Variants in TLN2 observed in about 807,000 individuals in gnomAD.
TLN2 encodes the protein talin 2, also known as talin-2.
A neutral mutation model predicts 294.7 loss-of-function variants in TLN2; 118 were observed. That is an observed-to-expected ratio of 0.40 (90% CI 0.34 to 0.47). The LOEUF is 0.47. Among genes scored for constraint, TLN2 ranks in the 20% least tolerant of loss-of-function variants. The pLI is 0.84. For missense variants in TLN2, 3,083 were observed against 3,282.2 expected (o/e 0.94, Z 1.48); for synonymous variants, 1,431 against 1,304.5 (o/e 1.10, Z -2.09).
At chr15:62,477,916 C>T (rs113929225) in intron 1 of TLN2, among the ~76,000 whole-genome samples, 3 of 84,194 alleles carry the variant, frequency 3.6e-5, no homozygotes, top group East Asian at 6.0e-4. Flanking sequence ...GGGGGTGCAG[C>T]GGGGGCAGAG....
Position 62,753,901 on chromosome 15 carries a change from C to A in TLN2, c.4461C>A (p.Gly1487=), listed in dbSNP as rs756008660. 3 of 1,605,856 alleles carry A rather than the reference C, an allele frequency of 1.9e-6. No individual in the cohort carries two copies. In the African/African-American group the frequency reaches 4.0e-5, roughly 22 times the overall value. ...QMACQNLVDP[G]SSPSQVLSAA... ...CATGCCAGAACTTGGTGGACCCTGG[C>A]AGCAGCCCATCACAGGTAACTGTTG... The change falls in exon 36 of 59, where the codon GGC becomes GGA. Residue 1487 remains glycine, a synonymous_variant. Transcript: ENST00000636159.
At chr15:62,575,002 A>G (rs1057023524) in intron 1 of TLN2, among the ~76,000 whole-genome samples, 8 of 152,198 alleles carry the variant, frequency 5.3e-5, no homozygotes, top group Non-Finnish European at 2.9e-5. Context: ...TGCTTCTGAA[A>G]TCATCTGAAA....
chr15:62,675,383 C>T (rs934562690), intron 11 of TLN2, 62 bp downstream of exon 11: 26 of 1,553,398 alleles, frequency 1.7e-5, no homozygotes, highest in Non-Finnish European at 1.9e-5. Flanking sequence ...TTTGTTCAAG[C>T]GTTTGCTGTT....
intron 1 of TLN2, among the ~76,000 whole-genome samples, chr15:62,541,652 C>A (rs926696289): frequency 6.6e-6 from 1 of 152,034 alleles, no homozygotes; most frequent in African/African-American, 2.4e-5. Flanking sequence ...AGAGAATGAG[C>A]CATAGACGGC....
At chr15:62,391,892 G>T (rs2032117059) in intron 1 of TLN2, among the ~76,000 whole-genome samples, 1 of 152,260 alleles carries the variant, frequency 6.6e-6, no homozygotes, top group Non-Finnish European at 1.5e-5. Flanking sequence ...CCGGAGCCGT[G>T]CGCTGGGCGG....
chr15:62,800,701 G>A lies in TLN2; in HGVS notation c.6409G>A (p.Glu2137Lys), dbSNP rs35997243. The A allele has an allele frequency of 1.9e-6, 3 of 1,614,024 alleles. No individual in the cohort carries two copies. The highest frequency in any genetic ancestry group is 1.1e-5 in the South Asian group (1 of 91,070). Residue 2137 changes from glutamate to lysine, a missense_variant, in exon 50 of 59, where the codon GAG becomes AAG. Coordinates refer to ENST00000636159, the MANE Select transcript of TLN2 (RefSeq NM_015059.3). ...TSLLKTVKAVEDEATRGTRAL... is the reference protein window; with the variant it reads ...TSLLKTVKAVKDEATRGTRAL... ...GCTCCTCAAGACTGTAAAGGCAGTG[G>A]AGGATGAGGCCACCCGGGGCACCAG... is the stretch of plus-strand genomic sequence containing the variant.
At position 62,842,509 on chromosome 15, in the gene TLN2, G is replaced by C. The variant is rs1339510988; in HGVS notation, c.*1899G>C. On this transcript the variant is annotated 3_prime_UTR_variant, in exon 59 of 59. Coordinates refer to ENST00000636159, the MANE Select transcript of TLN2 (RefSeq NM_015059.3). ...ATGTGTTCATGGCCTCCTGTAACAG[G>C]ACTCTGGGGATCCCCTCTGTGGCCC... The C allele has an allele frequency of 1.3e-5, 2 of 152,202 alleles. No individual in the cohort carries two copies. The highest frequency in any genetic ancestry group is 2.9e-5 in the Non-Finnish European group (2 of 68,152). 9.4% of individuals were successfully genotyped at this position (152,202 alleles called of 1,614,324 possible). A position where few individuals can be genotyped will look rare whatever the true frequency, so the allele number is the denominator to read the frequency against.
At chr15:62,778,465 A>G (rs893064321) in intron 43 of TLN2, among the ~76,000 whole-genome samples, 17 of 152,244 alleles carry the variant, frequency 1.1e-4, no homozygotes, top group African/African-American at 4.1e-4. Flanking sequence ...AGAAATTCAA[A>G]TGATAATCTT....
intron 21 of TLN2, among the ~76,000 whole-genome samples, chr15:62,710,576 C>T (rs573639435): frequency 6.6e-6 from 1 of 152,244 alleles, no homozygotes; most frequent in Admixed American, 6.5e-5. Flanking sequence ...TTCCCATATA[C>T]CTTTCCCAGT....
At chr15:62,537,689 G>A (rs1042201209) in intron 1 of TLN2, among the ~76,000 whole-genome samples, 1 of 152,144 alleles carries the variant, frequency 6.6e-6, no homozygotes, top group African/African-American at 2.4e-5. Flanking sequence ...TCTGAGAGGT[G>A]GAATGATGGA....
intron 2 of TLN2, among the ~76,000 whole-genome samples, chr15:62,616,481 T>A: frequency 6.6e-6 from 1 of 152,226 alleles, no homozygotes; most frequent in East Asian, 1.9e-4. Context: ...CAGTCAGGAA[T>A]GTGGTGGTGT....
rs1204509114 is a variant in TLN2 at position 62,728,499 on chromosome 15, A to G, written c.3358+1310A>G. 2.0e-5 allele frequency among the ~76,000 whole-genome samples: 3 copies of G among 152,176 alleles called. No homozygotes were observed. In the East Asian group the frequency reaches 5.8e-4, roughly 29 times the overall value. ...GGATTTCCTAGGTCAGAGCTTCCCC[A>G]TGTGTTCAGTACATTTCTTTCAGCA... On this transcript the variant is annotated intron_variant, in intron 28 of 58. Coordinates refer to ENST00000636159, the MANE Select transcript of TLN2 (RefSeq NM_015059.3).
chr15:62,646,408 C>G (rs1486248091), intron 3 of TLN2, among the ~76,000 whole-genome samples: 3 of 152,156 alleles, frequency 2.0e-5, no homozygotes, highest in Non-Finnish European at 2.9e-5. Context: ...GTGATCCGCC[C>G]CCCTCAGCCT....
chr15:62,839,867 A>G (rs566843237), intron 58 of TLN2, among the ~76,000 whole-genome samples: 58 of 152,376 alleles, frequency 3.8e-4, no homozygotes, highest in African/African-American at 1.3e-3. Flanking sequence ...TGCCCTGGTA[A>G]TAATGATAGT....
chr15:62,713,271 C>CAAAAAA (rs541064329), intron 22 of TLN2, among the ~76,000 whole-genome samples: 1 of 111,504 alleles, frequency 9.0e-6, no homozygotes, highest in African/African-American at 3.5e-5. Context: ...ACCTGCGTCT[C>CAAAAAA]AAAAAAAAAA....
At chr15:62,644,642 C>T in intron 3 of TLN2, 1 of 455,326 alleles carries the variant, frequency 2.2e-6, no homozygotes, top group South Asian at 1.6e-5. Context: ...ACCTTGCGGA[C>T]CCCGCAGCCC....
At chr15:62,605,446 G>C (rs945428279) in intron 2 of TLN2, among the ~76,000 whole-genome samples, 6 of 152,136 alleles carry the variant, frequency 3.9e-5, no homozygotes, top group African/African-American at 1.4e-4. Context: ...AGCTGGAGTC[G>C]ATTTAATCCA....
intron 11 of TLN2, among the ~76,000 whole-genome samples, chr15:62,682,347 C>G (rs535774942): frequency 3.4e-4 from 51 of 152,190 alleles, no homozygotes; most frequent in African/African-American, 1.2e-3. Flanking sequence ...AGCTCTTGGT[C>G]CATAAAAAAT....
chr15:62,465,015 CT>C (rs1216888569), intron 1 of TLN2, among the ~76,000 whole-genome samples: 1 of 147,934 alleles, frequency 6.8e-6, no homozygotes, highest in South Asian at 2.1e-4. Flanking sequence ...TTTCAGTAGT[CT>C]TTTTTCCCCC....
Sources: gnomAD v4.1 joint callset for allele counts (sites outside exome capture counted in the v4.1 genomes callset) on GRCh38, gnomAD v4.1.1 for gene constraint, MANE v1.5 for transcripts, NCBI Gene and HGNC (gene_info 2026-07-23, HGNC 2026-07-21) for gene names.